Variants in CNTN4 observed in about 807,000 individuals in gnomAD.
The protein encoded by CNTN4 is contactin-4.
A neutral mutation model predicts 122.5 loss-of-function variants in CNTN4; 77 were observed. That is an observed-to-expected ratio of 0.63 (90% CI 0.52 to 0.76). CNTN4 has a LOEUF of 0.76. Among genes scored for constraint, CNTN4 ranks in the 30% least tolerant of loss-of-function variants. The probability of loss-of-function intolerance (pLI) is 0.00; values close to 1 mark genes in which losing one functional copy is unlikely to be tolerated. For missense variants in CNTN4, 1,256 were observed against 1,259.1 expected (o/e 1.00, Z 0.04); for synonymous variants, 512 against 447.0 (o/e 1.15, Z -1.83).
chr3:2,656,429 A>G (rs546355218), intron 4 of CNTN4, among the ~76,000 whole-genome samples: 19 of 152,210 alleles, frequency 1.2e-4, no homozygotes, highest in Non-Finnish European at 2.6e-4. Context: ...AGCATGTTTC[A>G]CCAACTGTAA....
chr3:3,055,219 G>A (rs1167484723), intron 24 of CNTN4, among the ~76,000 whole-genome samples: 1 of 151,982 alleles, frequency 6.6e-6, no homozygotes, highest in Non-Finnish European at 1.5e-5. Context: ...TTGGTGAGAT[G>A]TGGAAGTAAA....
chr3:3,039,027 G>C (rs1433302985), intron 19 of CNTN4, 24 bp downstream of exon 19: 3 of 1,566,174 alleles, frequency 1.9e-6, no homozygotes, highest in African/African-American at 1.4e-5. Flanking sequence ...AGAATAAAAG[G>C]AACGTACACG....
At chr3:2,641,465 A>C (rs1003963201) in intron 4 of CNTN4, among the ~76,000 whole-genome samples, 1 of 152,154 alleles carries the variant, frequency 6.6e-6, no homozygotes, top group Non-Finnish European at 1.5e-5. Flanking sequence ...TATCTCATTT[A>C]AGCAATCTTA....
intron 6 of CNTN4, among the ~76,000 whole-genome samples, chr3:2,793,993 T>G (rs2092092683): frequency 1.3e-5 from 2 of 152,172 alleles, no homozygotes; most frequent in Middle Eastern, 3.2e-3. Context: ...AATGAAAACA[T>G]GTACTGCCAT....
intron 3 of CNTN4, among the ~76,000 whole-genome samples, chr3:2,488,770 C>G (rs1019124122): frequency 6.6e-6 from 1 of 152,142 alleles, no homozygotes; most frequent in Non-Finnish European, 1.5e-5. Flanking sequence ...ACTTTCAAAG[C>G]TTGTGTAGTA....
intron 4 of CNTN4, among the ~76,000 whole-genome samples, chr3:2,632,040 G>T (rs1249347627): frequency 6.6e-6 from 1 of 150,588 alleles, no homozygotes; most frequent in African/African-American, 2.5e-5. Context: ...GACAGAGCAA[G>T]ACCCTGTCTC....
At chr3:2,287,669 A>C (rs766915990) in intron 2 of CNTN4, among the ~76,000 whole-genome samples, 1 of 56,922 alleles carries the variant, frequency 1.8e-5, no homozygotes, top group Non-Finnish European at 4.0e-5. Context: ...AAGAAGAAGA[A>C]GAAGAAGAAG....
At chr3:2,835,620 T>A (rs950672301) in intron 7 of CNTN4, among the ~76,000 whole-genome samples, 1 of 152,136 alleles carries the variant, frequency 6.6e-6, no homozygotes, top group East Asian at 1.9e-4. Flanking sequence ...ACAAATTTTT[T>A]AAAAACCGTC....
At position 2,227,907 on chromosome 3, in the gene CNTN4, A is replaced by C. The variant is rs527879403; in HGVS notation, c.-144-111271A>C. On this transcript the variant is annotated intron_variant, in intron 2 of 24. Coordinates refer to ENST00000418658, the MANE Select transcript of CNTN4 (RefSeq NM_175607.3). ...AAAATAAGCAATATGTTTAACAAAC[A>C]CTCAAAGTAAATTTGTTTGCAGTGC... is the stretch of plus-strand genomic sequence containing the variant. Among the ~76,000 whole-genome samples, 9 of 152,300 alleles carry C rather than the reference A, an allele frequency of 5.9e-5. No individual in the cohort carries two copies. The South Asian group carries it at 1.4e-3, about 25-fold the overall frequency.
chr3:2,401,087 T>G (rs1166559801), intron 3 of CNTN4, among the ~76,000 whole-genome samples: 1 of 152,164 alleles, frequency 6.6e-6, no homozygotes, highest in African/African-American at 2.4e-5. Flanking sequence ...GATCCCACTT[T>G]GATCACCTGT....
At chr3:2,520,611 G>A (rs1318104256) in intron 3 of CNTN4, among the ~76,000 whole-genome samples, 1 of 151,920 alleles carries the variant, frequency 6.6e-6, no homozygotes, top group East Asian at 1.9e-4. Flanking sequence ...GATACTCACT[G>A]ATTAATTGGG....
intron 4 of CNTN4, among the ~76,000 whole-genome samples, chr3:2,689,913 G>T (rs1025679817): frequency 6.6e-6 from 1 of 152,050 alleles, no homozygotes; most frequent in South Asian, 2.1e-4. Flanking sequence ...TATCCTGTGA[G>T]GTAGGGGCGT....
chr3:2,674,390 C>A (rs1382018887), intron 4 of CNTN4, among the ~76,000 whole-genome samples: 1 of 152,152 alleles, frequency 6.6e-6, no homozygotes, highest in Non-Finnish European at 1.5e-5. Context: ...TCCATCAGCT[C>A]AAACATTTAC....
At chr3:2,828,927 TG>T (rs2093043002) in intron 7 of CNTN4, among the ~76,000 whole-genome samples, 2 of 152,044 alleles carry the variant, frequency 1.3e-5, no homozygotes, top group African/African-American at 4.8e-5. Flanking sequence ...TTGTTAGAGA[TG>T]GGGTCTTGTT....
intron 7 of CNTN4, among the ~76,000 whole-genome samples, chr3:2,846,539 G>A (rs2093459147): frequency 6.6e-6 from 1 of 151,998 alleles, no homozygotes; most frequent in African/African-American, 2.4e-5. Context: ...TTAAAACACT[G>A]GTTATTTCCC....
At chr3:2,473,092 G>A (rs565039040) in intron 3 of CNTN4, among the ~76,000 whole-genome samples, 5 of 152,088 alleles carry the variant, frequency 3.3e-5, no homozygotes, top group South Asian at 2.1e-4. Context: ...TTAGCTGGGC[G>A]TGGTGGTGGA....
intron 4 of CNTN4, among the ~76,000 whole-genome samples, chr3:2,670,006 C>A (rs1341762234): frequency 1.3e-5 from 2 of 152,244 alleles, no homozygotes; most frequent in African/African-American, 4.8e-5. Flanking sequence ...GAGTGCTTTA[C>A]TTCCACCTAT....
Position 2,742,558 on chromosome 3 carries a change from AGCG to A in CNTN4, c.183-2963_183-2961del, listed in dbSNP as rs1576631052. Among the ~76,000 whole-genome samples, 5 of 2,218 alleles carry A rather than the reference AGCG, an allele frequency of 2.3e-3. No individual in the cohort carries two copies. In the East Asian group the frequency reaches 0.048, roughly 21 times the overall value. 1.5% of individuals were successfully genotyped at this position (2,218 alleles called of 152,430 possible). A position where few individuals can be genotyped will look rare whatever the true frequency, so the allele number is the denominator to read the frequency against. ...CAACAAAGAAAGAGGATTTTGCTAC[AGCG>A]AATCCTATAGATACCCTCCCAGCAA... On this transcript the variant is annotated intron_variant, in intron 5 of 24. Coordinates refer to ENST00000418658, the MANE Select transcript of CNTN4 (RefSeq NM_175607.3).
chr3:2,779,670 C>G (rs538722904), intron 6 of CNTN4, among the ~76,000 whole-genome samples: 1 of 152,190 alleles, frequency 6.6e-6, no homozygotes, highest in South Asian at 2.1e-4. Flanking sequence ...GCTTAGTGTT[C>G]CCTTCTGAAT....
Sources: allele counts gnomAD v4.1 joint callset (sites outside exome capture counted in the v4.1 genomes callset), GRCh38; gene constraint gnomAD v4.1.1; transcripts MANE v1.5; gene names NCBI Gene and HGNC (gene_info 2026-07-23, HGNC 2026-07-21).